Variants in TANC2 observed in about 807,000 individuals in gnomAD.
TANC2 encodes the protein tetratricopeptide repeat, ankyrin repeat and coiled-coil containing 2.
In TANC2, 26 loss-of-function variants were observed where a neutral mutation model predicts 210.5. The observed-to-expected ratio is 0.12, with a 90% confidence interval of 0.09 to 0.17. The LOEUF is 0.17. TANC2 is among the 10% of genes least tolerant of loss of function. TANC2 has a pLI of 1.00. For missense variants in TANC2, 2,129 were observed against 2,608.9 expected, an observed-to-expected ratio of 0.82 and a Z score of 4.01; for synonymous variants, 931 against 967.1, an observed-to-expected ratio of 0.96 and a Z score of 0.69.
At position 63,413,505 on chromosome 17, in the gene TANC2, A is replaced by T. The variant is rs573573836; in HGVS notation, c.3929-38A>T. 48 of 1,518,274 alleles carry T rather than the reference A, an allele frequency of 3.2e-5. No homozygotes were observed. In the South Asian group the frequency reaches 5.9e-4, roughly 19 times the overall value. The allele number at this position is 1,518,274 out of a possible 1,614,324, so 94.1% of individuals were successfully genotyped here. ...TAGCTTCCTACCACCCTTACATTGT[A>T]TGAGTTTTTTACCCATCATGCATCC... On this transcript the variant is annotated intron_variant, in intron 24 of 27. Transcript: ENST00000689528.
rs1433691782 is a variant in TANC2 at position 63,405,713 on chromosome 17, C to T, written c.3466-441C>T. On this transcript the variant is annotated intron_variant, in intron 20 of 27. Coordinates refer to ENST00000689528, the Ensembl canonical transcript of TANC2. Reference sequence around the variant, plus strand: ...GAAAGGAAAGCACACTGATAATAATCTTCAGAAGTATTTCAATAGAAAAAA... The same window carrying T: ...GAAAGGAAAGCACACTGATAATAATTTTCAGAAGTATTTCAATAGAAAAAA... Among the ~76,000 whole-genome samples the T allele has an allele frequency of 2.6e-5, 4 of 152,288 alleles. No individual in the cohort carries two copies. In the South Asian group the frequency reaches 8.3e-4, roughly 32 times the overall value.
intron 9 of TANC2, among the ~76,000 whole-genome samples, chr17:63,284,723 A>T (rs1236494903): frequency 6.6e-6 from 1 of 152,100 alleles, no homozygotes; most frequent in Non-Finnish European, 1.5e-5. Context: ...GCTATTTTAC[A>T]GTAGACACTT....
chr17:63,055,786 T>C (rs1461062582), intron 2 of TANC2, among the ~76,000 whole-genome samples: 1 of 150,404 alleles, frequency 6.6e-6, no homozygotes, highest in Non-Finnish European at 1.5e-5. Flanking sequence ...CTGTGTATCA[T>C]TGCAGTCTTG....
At chr17:63,274,480 T>C (rs2043812703) in intron 9 of TANC2, among the ~76,000 whole-genome samples, 1 of 152,182 alleles carries the variant, frequency 6.6e-6, no homozygotes, top group Non-Finnish European at 1.5e-5. Context: ...TGATAGATAT[T>C]AATTTGAATT....
At chr17:63,291,582 A>G (rs2044384955) in intron 9 of TANC2, among the ~76,000 whole-genome samples, 1 of 152,184 alleles carries the variant, frequency 6.6e-6, no homozygotes, top group Non-Finnish European at 1.5e-5. Flanking sequence ...CATGTCAGAT[A>G]CAAATATTTG....
At chr17:63,180,155 A>C (rs572909938) in intron 5 of TANC2, among the ~76,000 whole-genome samples, 1 of 152,102 alleles carries the variant, frequency 6.6e-6, no homozygotes, top group East Asian at 1.9e-4. Flanking sequence ...AAACAAAAAT[A>C]ATGGCTTCCC....
intron 5 of TANC2, among the ~76,000 whole-genome samples, chr17:63,185,707 T>C (rs2145689393): frequency 6.6e-6 from 1 of 152,366 alleles, no homozygotes; most frequent in Non-Finnish European, 1.5e-5. Flanking sequence ...GCACTGTATA[T>C]GTGTAGCAGT....
chr17:63,358,389 G>GTGTGTT (rs1567949918), intron 14 of TANC2, among the ~76,000 whole-genome samples: 2 of 150,938 alleles, frequency 1.3e-5, no homozygotes, highest in African/African-American at 4.9e-5. Context: ...ATGTGTGTGT[G>GTGTGTT]TGTGTGTGTG....
intron 3 of TANC2, among the ~76,000 whole-genome samples, chr17:63,077,343 C>G (rs2036607031): frequency 6.6e-6 from 1 of 152,136 alleles, no homozygotes; most frequent in Admixed American, 6.5e-5. Context: ...TATACACTTT[C>G]TAAGGAATCT....
At chr17:63,163,483 G>T (rs1286926093) in intron 5 of TANC2, among the ~76,000 whole-genome samples, 1 of 152,154 alleles carries the variant, frequency 6.6e-6, no homozygotes, top group East Asian at 1.9e-4. Flanking sequence ...GAAACTACAA[G>T]AAGGAAGGAC....
At chr17:63,170,007 T>C (rs7207060) in intron 5 of TANC2, among the ~76,000 whole-genome samples, 3,736 of 151,410 alleles carry the variant, frequency 0.025, 156 homozygotes, top group African/African-American at 0.085. Context: ...TAGTCCCAGC[T>C]ACTCGGGAGG....
chr17:63,188,300 T>TAA (rs71357050), intron 5 of TANC2, among the ~76,000 whole-genome samples: 8 of 144,084 alleles, frequency 5.6e-5, no homozygotes, highest in African/African-American at 1.5e-4. Flanking sequence ...CCCCATCTCT[T>TAA]AAAAAAAAAA....
chr17:63,410,697 C>T lies in TANC2; in HGVS notation c.3590-814C>T, dbSNP rs186531997. Among the ~76,000 whole-genome samples the T allele has an allele frequency of 6.6e-5, 10 of 151,702 alleles. No individual in the cohort carries two copies. In the East Asian group the frequency reaches 1.8e-3, roughly 27 times the overall value. On this transcript the variant is annotated intron_variant, in intron 21 of 27. Transcript: ENST00000689528. The stretch of plus-strand genomic sequence containing the variant: ...GCCAACATGGTGAACCCCATCTCTA[C>T]TAAAAATACAAAAATTAGCCAGGCA...
intron 8 of TANC2, among the ~76,000 whole-genome samples, chr17:63,253,487 T>C (rs1295007857): frequency 6.6e-6 from 1 of 152,190 alleles, no homozygotes; most frequent in Non-Finnish European, 1.5e-5. Context: ...GCCTGCCCTT[T>C]TAGGGTATTA....
intron 14 of TANC2, among the ~76,000 whole-genome samples, chr17:63,372,811 ATTCTC>A (rs1409244368): frequency 2.0e-5 from 3 of 151,664 alleles, no homozygotes; most frequent in African/African-American, 7.3e-5. Flanking sequence ...TGTGAAAATA[ATTCTC>A]TTCTGTCTTC....
At chr17:63,405,927 A>G (rs567412357) in intron 20 of TANC2, among the ~76,000 whole-genome samples, 1 of 152,314 alleles carries the variant, frequency 6.6e-6, no homozygotes, top group South Asian at 2.1e-4. Flanking sequence ...TTTTTTACTT[A>G]GTAGCTGAGT....
At chr17:63,336,302 G>C (rs934613740) in intron 11 of TANC2, among the ~76,000 whole-genome samples, 45 of 152,196 alleles carry the variant, frequency 3.0e-4, no homozygotes, top group African/African-American at 1.0e-3. Flanking sequence ...CAGTCAGTAT[G>C]GAAATTAGAA....
chr17:63,184,541 C>G (rs140880127), intron 5 of TANC2, among the ~76,000 whole-genome samples: 1 of 152,172 alleles, frequency 6.6e-6, no homozygotes, highest in African/African-American at 2.4e-5. Flanking sequence ...TTCATGCTTC[C>G]TCTGCATCAT....
intron 4 of TANC2, among the ~76,000 whole-genome samples, chr17:63,102,562 G>C (rs979355136): frequency 6.6e-6 from 1 of 151,750 alleles, no homozygotes; most frequent in African/African-American, 2.4e-5. Context: ...ATGTTGGTGT[G>C]CTGCACCCAT....
Sources: allele counts gnomAD v4.1 joint callset (sites outside exome capture counted in the v4.1 genomes callset), GRCh38; gene constraint gnomAD v4.1.1; transcripts MANE v1.5; gene names NCBI Gene and HGNC (gene_info 2026-07-23, HGNC 2026-07-21).